The following RBM6 variants were observed in gnomAD, a reference collection of about 807,000 sequenced individuals.
RBM6 encodes RNA-binding protein 6.
RBM6 carries 23 observed loss-of-function variants against 140.4 expected under a neutral mutation model. The ratio of observed to expected loss-of-function variants is 0.16; its 90% CI spans 0.12 to 0.23. The LOEUF (loss-of-function observed/expected upper bound fraction) is 0.23, where lower values mean the gene tolerates loss of function less well. RBM6 is among the 10% of genes least tolerant of loss of function. The pLI, the probability that RBM6 is intolerant of heterozygous loss-of-function variation, is 1.00. For missense variants in RBM6, 1,139 were observed against 1,386.7 expected (o/e 0.82, Z 2.84); for synonymous variants, 439 against 475.6 (o/e 0.92, Z 1.00).
chr3:50,031,814 G>A (rs2088184030), intron 6 of RBM6, among the ~76,000 whole-genome samples: 2 of 151,934 alleles, frequency 1.3e-5, no homozygotes, highest in South Asian at 4.2e-4. Context: ...AACATAAAAA[G>A]AAAAAAATAA....
chr3:49,996,857 T>G (rs538824004), intron 5 of RBM6, among the ~76,000 whole-genome samples: 1 of 152,258 alleles, frequency 6.6e-6, no homozygotes, highest in Non-Finnish European at 1.5e-5. Context: ...GAGGCTAGAG[T>G]GTAGTGGTTA....
chr3:50,052,394 A>G (rs1291582806), intron 7 of RBM6, among the ~76,000 whole-genome samples: 1 of 152,134 alleles, frequency 6.6e-6, no homozygotes, highest in Non-Finnish European at 1.5e-5. Flanking sequence ...TATACCTACT[A>G]AGGTTAGGAT....
At chr3:49,998,600 A>T (rs1056006601) in intron 5 of RBM6, among the ~76,000 whole-genome samples, 1 of 152,218 alleles carries the variant, frequency 6.6e-6, no homozygotes, top group African/African-American at 2.4e-5. Context: ...CGTGAGTCAT[A>T]CAACTCTCAG....
intron 8 of RBM6, 70 bp from the exon 9 acceptor site, chr3:50,057,658 G>A (rs1433251308): frequency 1.9e-5 from 26 of 1,353,124 alleles, no homozygotes; most frequent in Non-Finnish European, 2.4e-5. Context: ...AATTACAGTA[G>A]CAGTGTTTTT....
chr3:49,993,871 G>A (rs1360572768), intron 5 of RBM6, among the ~76,000 whole-genome samples: 1 of 152,106 alleles, frequency 6.6e-6, no homozygotes, highest in Non-Finnish European at 1.5e-5. Context: ...GAACCCAGGA[G>A]GCAGAGGTTG....
At chr3:49,976,923 A>G (rs934777550) in intron 5 of RBM6, among the ~76,000 whole-genome samples, 4 of 152,148 alleles carry the variant, frequency 2.6e-5, no homozygotes, top group Non-Finnish European at 4.4e-5. Context: ...AGCAAATACA[A>G]TCTTTTCTTG....
At chr3:50,033,802 C>T (rs1362310490) in intron 6 of RBM6, among the ~76,000 whole-genome samples, 1 of 152,076 alleles carries the variant, frequency 6.6e-6, no homozygotes, top group Non-Finnish European at 1.5e-5. Context: ...CCACCACGCC[C>T]AGCTAATTTT....
intron 6 of RBM6, among the ~76,000 whole-genome samples, chr3:50,010,852 G>C (rs2086808835): frequency 7.8e-6 from 1 of 128,344 alleles, no homozygotes; most frequent in African/African-American, 3.0e-5. Flanking sequence ...GCAGTGAGCT[G>C]AGATTGTACC....
At chr3:50,026,901 CAA>C (rs139771207) in intron 6 of RBM6, among the ~76,000 whole-genome samples, 3 of 119,574 alleles carry the variant, frequency 2.5e-5, no homozygotes, top group African/African-American at 3.6e-5. Flanking sequence ...CTTGTCTCAC[CAA>C]AAAAAAAAAA....
rs1391222972 is a variant in RBM6 at position 50,021,743 on chromosome 3, T to C, written c.1557+22230T>C. On this transcript the variant is annotated intron_variant, in intron 6 of 20. Coordinates refer to ENST00000266022, the MANE Select transcript of RBM6 (RefSeq NM_005777.3). ...TCCATACTGAGGAATTTAAGTGCTT[T>C]TTTTTTTTTTTTTTTTTTTTTTTTT... Among the ~76,000 whole-genome samples the C allele has an allele frequency of 5.3e-5, 4 of 74,974 alleles. No homozygotes were observed. In the East Asian group the frequency reaches 8.7e-4, roughly 16 times the overall value. 49.2% of individuals were successfully genotyped at this position (74,974 alleles called of 152,430 possible). A position where few individuals can be genotyped will look rare whatever the true frequency, so the allele number is the denominator to read the frequency against.
intron 3 of RBM6, among the ~76,000 whole-genome samples, chr3:49,969,768 G>GT (rs780975972): frequency 1.5e-3 from 215 of 143,118 alleles, no homozygotes; most frequent in Middle Eastern, 7.1e-3. Context: ...TGCCTGGCTA[G>GT]TTTTTTTTTT....
At chr3:50,061,766 C>G in intron 14 of RBM6, 196 bp from the exon 15 acceptor site, 5 of 1,317,498 alleles carry the variant, frequency 3.8e-6, no homozygotes, top group Non-Finnish European at 5.1e-6. Flanking sequence ...CAGTGTTGCT[C>G]TTGAAAAAGT....
chr3:50,042,906 G>A (rs902344578), intron 6 of RBM6, among the ~76,000 whole-genome samples: 7 of 152,106 alleles, frequency 4.6e-5, no homozygotes, highest in African/African-American at 1.7e-4. Context: ...AAGGAAATGG[G>A]AATGTAGATG....
intron 5 of RBM6, among the ~76,000 whole-genome samples, chr3:49,998,437 TC>T (rs2086182394): frequency 6.6e-6 from 1 of 152,196 alleles, no homozygotes; most frequent in African/African-American, 2.4e-5. Context: ...AGCTTCTTTA[TC>T]CTCTGAGGCA....
At chr3:50,024,868 G>C (rs2087710862) in intron 6 of RBM6, among the ~76,000 whole-genome samples, 1 of 151,886 alleles carries the variant, frequency 6.6e-6, no homozygotes, top group Non-Finnish European at 1.5e-5. Flanking sequence ...CAGGACACCT[G>C]TAATCCCAGC....
At chr3:50,076,608 A>G (rs1341146084) in intron 20 of RBM6, among the ~76,000 whole-genome samples, 9 of 150,474 alleles carry the variant, frequency 6.0e-5, no homozygotes, top group Non-Finnish European at 1.2e-4. Context: ...TTATTCTGCC[A>G]GGTGTGGTGG....
At chr3:50,018,194 C>T (rs945593551) in intron 6 of RBM6, among the ~76,000 whole-genome samples, 3 of 152,224 alleles carry the variant, frequency 2.0e-5, no homozygotes, top group African/African-American at 4.8e-5. Flanking sequence ...TTTCCTCTTG[C>T]AAACCCCTGC....
chr3:50,001,150 T>C (rs2086309774), intron 6 of RBM6, among the ~76,000 whole-genome samples: 1 of 152,092 alleles, frequency 6.6e-6, no homozygotes, highest in Non-Finnish European at 1.5e-5. Flanking sequence ...AGGAAAAAAA[T>C]GCATTAACAC....
intron 7 of RBM6, among the ~76,000 whole-genome samples, chr3:50,053,559 A>G (rs1427861725): frequency 6.6e-6 from 1 of 151,742 alleles, no homozygotes; most frequent in African/African-American, 2.4e-5. Flanking sequence ...AGAATTAGCC[A>G]CTGCTACTAT....
Sources: gnomAD v4.1 joint callset for allele counts (sites outside exome capture counted in the v4.1 genomes callset) on GRCh38, gnomAD v4.1.1 for gene constraint, MANE v1.5 for transcripts, NCBI Gene and HGNC (gene_info 2026-07-23, HGNC 2026-07-21) for gene names.